SORCS1: variants seen among roughly 807,000 people sequenced by gnomAD.
The protein encoded by SORCS1 is VPS10 domain-containing receptor SorCS1.
Under a neutral mutation model 146.1 loss-of-function variants are expected in SORCS1, and 60 were observed. That is an observed-to-expected ratio of 0.41 (90% CI 0.33 to 0.51). The LOEUF (loss-of-function observed/expected upper bound fraction) is 0.51. Ranked by LOEUF, SORCS1 falls within the 20% of genes least tolerant of loss-of-function variation. The pLI, the probability that SORCS1 is intolerant of heterozygous loss-of-function variation, is 0.21. For synonymous variants in SORCS1, 637 were observed against 584.0 expected (o/e 1.09, Z -1.31); for missense variants, 1,352 against 1,487.6 (o/e 0.91, Z 1.50).
chr10:107,063,339 A>G (rs1961418329), intron 1 of SORCS1, among the ~76,000 whole-genome samples: 1 of 152,210 alleles, frequency 6.6e-6, no homozygotes, highest in Admixed American at 6.5e-5. Flanking sequence ...TTCAGAAGAA[A>G]TGGGGATACT....
chr10:107,088,850 C>T (rs1963962961), intron 1 of SORCS1, among the ~76,000 whole-genome samples: 1 of 152,204 alleles, frequency 6.6e-6, no homozygotes, highest in Admixed American at 6.5e-5. Context: ...CAGAAACTTC[C>T]TGTTCAGCTT....
intron 5 of SORCS1, among the ~76,000 whole-genome samples, chr10:106,755,717 C>A (rs1054495499): frequency 6.6e-6 from 1 of 152,074 alleles, no homozygotes; most frequent in Non-Finnish European, 1.5e-5. Context: ...ATGTGTCTGA[C>A]CTACATGAGT....
intron 1 of SORCS1, among the ~76,000 whole-genome samples, chr10:106,976,606 C>T (rs1956034451): frequency 6.6e-6 from 1 of 151,978 alleles, no homozygotes; most frequent in Admixed American, 6.6e-5. Flanking sequence ...GCTGGGATTA[C>T]AGGCGTGAGC....
At chr10:107,126,453 C>T (rs1451087907) in intron 1 of SORCS1, among the ~76,000 whole-genome samples, 5 of 151,988 alleles carry the variant, frequency 3.3e-5, no homozygotes, top group African/African-American at 7.2e-5. Context: ...AAAATTCTTA[C>T]GTTTAGATTG....
At chr10:107,070,415 C>A (rs1962313320) in intron 1 of SORCS1, among the ~76,000 whole-genome samples, 1 of 152,046 alleles carries the variant, frequency 6.6e-6, no homozygotes, top group Non-Finnish European at 1.5e-5. Context: ...CTTTTACACT[C>A]CCACTTAATG....
chr10:106,980,545 T>C (rs1354858088), intron 1 of SORCS1, among the ~76,000 whole-genome samples: 1 of 152,220 alleles, frequency 6.6e-6, no homozygotes, highest in Non-Finnish European at 1.5e-5. Context: ...GTTATTTCTA[T>C]TAGGTGACTG....
At chr10:107,071,951 A>T (rs929346324) in intron 1 of SORCS1, among the ~76,000 whole-genome samples, 1 of 152,228 alleles carries the variant, frequency 6.6e-6, no homozygotes, top group Non-Finnish European at 1.5e-5. Flanking sequence ...TATAGAGGAG[A>T]GACCCAATGA....
chr10:106,828,681 T>A (rs1317554796), intron 3 of SORCS1, among the ~76,000 whole-genome samples: 1 of 152,192 alleles, frequency 6.6e-6, no homozygotes, highest in African/African-American at 2.4e-5. Context: ...TACTTAACAA[T>A]CGTATGTCAG....
At chr10:106,620,688 G>T (rs1847684657) in intron 19 of SORCS1, 127 bp from the exon 20 acceptor site, 1 of 1,165,122 alleles carries the variant, frequency 8.6e-7, no homozygotes, top group Non-Finnish European at 1.2e-6. Flanking sequence ...TTCCCCAAAA[G>T]AAGTGTTCAG....
chr10:106,577,755 G>A (rs1589649789), intron 25 of SORCS1, 200 bp from the exon 26 acceptor site: 2 of 1,053,192 alleles, frequency 1.9e-6, no homozygotes, highest in African/African-American at 1.6e-5. Context: ...AGAAGCTTTA[G>A]GAATGAGTAG....
At chr10:106,955,137 G>A (rs1338639383) in intron 2 of SORCS1, among the ~76,000 whole-genome samples, 1 of 152,240 alleles carries the variant, frequency 6.6e-6, no homozygotes, top group African/African-American at 2.4e-5. Context: ...TGTGGCTGGT[G>A]GGAAGGAGAG....
chr10:106,625,375 G>T (rs929026087), intron 19 of SORCS1, among the ~76,000 whole-genome samples: 1 of 152,130 alleles, frequency 6.6e-6, no homozygotes, highest in Non-Finnish European at 1.5e-5. Flanking sequence ...AAATAAGAAT[G>T]ATTCAAACTA....
At chr10:106,654,464 G>A (rs930819127) in intron 17 of SORCS1, among the ~76,000 whole-genome samples, 8 of 152,092 alleles carry the variant, frequency 5.3e-5, no homozygotes, top group South Asian at 2.1e-4. Context: ...GAATCCTTAC[G>A]ATTTACTTGA....
intron 25 of SORCS1, chr10:106,578,860 T>A: frequency 7.3e-7 from 1 of 1,379,054 alleles, no homozygotes. Context: ...AGGGAGGGTT[T>A]TGCAAAAGGA....
intron 2 of SORCS1, among the ~76,000 whole-genome samples, chr10:106,866,635 G>C (rs1005148473): frequency 2.0e-5 from 3 of 152,162 alleles, no homozygotes; most frequent in Non-Finnish European, 4.4e-5. Context: ...GAACAAGGCT[G>C]CAAAGGAGAG....
intron 1 of SORCS1, among the ~76,000 whole-genome samples, chr10:107,104,142 C>G (rs1965141742): frequency 6.6e-6 from 1 of 151,718 alleles, no homozygotes; most frequent in South Asian, 2.1e-4. Context: ...GCCAGTGCAA[C>G]TGAGAAATTC....
In SORCS1 at chr10:107,050,194, G is replaced by A. The variant is rs199722135; in HGVS notation, c.559-93614C>T. Among the ~76,000 whole-genome samples, 28 of 152,196 alleles carry A rather than the reference G, an allele frequency of 1.8e-4. No homozygotes were observed. The East Asian group carries it at 3.3e-3, about 18-fold the overall frequency. On this transcript the variant is annotated intron_variant, in intron 1 of 25. Coordinates refer to ENST00000263054, the MANE Select transcript of SORCS1 (RefSeq NM_052918.5). ...GTATTCCTGAATCTCAGGTATTAGC[G>A]GATTCAGTTTAATAGCTGATGCTTA...
At chr10:107,172,284 T>G in the SORCS1 span, among the ~76,000 whole-genome samples, 39 of 152,332 alleles carry the variant, frequency 2.6e-4, 1 homozygote, top group Middle Eastern at 6.8e-3. Context: ...ATTGATGGCC[T>G]CCTTCTTTGC....
intron 3 of SORCS1, among the ~76,000 whole-genome samples, chr10:106,823,756 G>A (rs1168887340): frequency 6.6e-6 from 1 of 152,148 alleles, no homozygotes; most frequent in African/African-American, 2.4e-5. Flanking sequence ...CAGGGAAATT[G>A]ATTAAATTTT....
Sources: gnomAD v4.1 joint callset for allele counts (sites outside exome capture counted in the v4.1 genomes callset) on GRCh38, gnomAD v4.1.1 for gene constraint, MANE v1.5 for transcripts, NCBI Gene and HGNC (gene_info 2026-07-23, HGNC 2026-07-21) for gene names.